The following TPX2 variants were observed in gnomAD, a reference collection of about 807,000 sequenced individuals.
The protein encoded by TPX2 is TPX2 microtubule nucleation factor.
In TPX2, 21 loss-of-function variants were observed where a neutral mutation model predicts 93.6. The ratio of observed to expected loss-of-function variants is 0.22; its 90% CI spans 0.16 to 0.32. The LOEUF (loss-of-function observed/expected upper bound fraction) is 0.32. Ranked by LOEUF, TPX2 falls within the 10% of genes least tolerant of loss-of-function variation. The pLI is 1.00. For synonymous variants in TPX2, 281 were observed against 298.3 expected (o/e 0.94, Z 0.60); for missense variants, 776 against 871.1 (o/e 0.89, Z 1.37).
intron 13 of TPX2, 137 bp downstream of exon 13, chr20:31,792,967 T>C: frequency 1.4e-6 from 1 of 736,488 alleles, no homozygotes; most frequent in East Asian, 2.6e-5. Context: ...GGTATGAACA[T>C]TTGTTCATTT....
chr20:31,743,631 G>A (rs1418482980), intron 2 of TPX2, among the ~76,000 whole-genome samples: 3 of 151,998 alleles, frequency 2.0e-5, no homozygotes, highest in South Asian at 2.1e-4. Flanking sequence ...GGAGTTTGAG[G>A]TTACGGTGAG....
chr20:31,747,954 T>C (rs935502760), intron 2 of TPX2, among the ~76,000 whole-genome samples: 2 of 152,124 alleles, frequency 1.3e-5, no homozygotes, highest in African/African-American at 4.8e-5. Context: ...TTTCACATCC[T>C]CATATTTATT....
At chr20:31,751,274 C>A (rs981697331) in intron 2 of TPX2, among the ~76,000 whole-genome samples, 1 of 152,166 alleles carries the variant, frequency 6.6e-6, no homozygotes, top group African/African-American at 2.4e-5. Context: ...GGGGTTGCTG[C>A]ATGTTACATT....
chr20:31,762,645 C>T (rs576293553), intron 4 of TPX2, among the ~76,000 whole-genome samples: 83 of 152,234 alleles, frequency 5.5e-4, no homozygotes, highest in African/African-American at 1.8e-3. Context: ...CCACCGCCCT[C>T]GGCCTCCCCT....
At chr20:31,773,867 T>G (rs1486383676) in intron 7 of TPX2, among the ~76,000 whole-genome samples, 1 of 151,974 alleles carries the variant, frequency 6.6e-6, no homozygotes, top group African/African-American at 2.4e-5. Context: ...TGAGAACATT[T>G]GGATTTTTTT....
chr20:31,771,429 CAT>C, intron 6 of TPX2, 129 bp from the exon 7 acceptor site: 1 of 1,176,500 alleles, frequency 8.5e-7, no homozygotes, highest in South Asian at 1.8e-5. Flanking sequence ...TTGGAAGAAT[CAT>C]GTGGTCGAAG....
rs565921888 is a variant in TPX2 at position 31,792,614 on chromosome 20, C to T, written c.1414-121C>T. 7.6e-6 allele frequency: 7 copies of T among 926,604 alleles called. No homozygotes were observed. In the Admixed American group the frequency reaches 1.0e-4, roughly 13 times the overall value. 57.4% of individuals were successfully genotyped at this position (926,604 alleles called of 1,614,324 possible). On this transcript the variant is annotated intron_variant, in intron 12 of 17. Transcript: ENST00000300403. ...ATTGCCTGAGCCCAGGAGTTTGAGACCAGCTGGGCAACATAGTGAGACCCT... is the reference window on the plus strand; with the variant it reads ...ATTGCCTGAGCCCAGGAGTTTGAGATCAGCTGGGCAACATAGTGAGACCCT...
At chr20:31,754,207 G>C (rs888938526) in intron 2 of TPX2, among the ~76,000 whole-genome samples, 9 of 151,846 alleles carry the variant, frequency 5.9e-5, no homozygotes, top group Non-Finnish European at 1.5e-5. Context: ...GATTCTCACC[G>C]AGTAGCTGGA....
At chr20:31,744,152 T>C (rs1475160929) in intron 2 of TPX2, among the ~76,000 whole-genome samples, 2 of 146,266 alleles carry the variant, frequency 1.4e-5, no homozygotes, top group Non-Finnish European at 3.0e-5. Context: ...TTTGTTAATT[T>C]TTTTAACTTT....
intron 5 of TPX2, among the ~76,000 whole-genome samples, chr20:31,767,352 C>T (rs1017504284): frequency 6.6e-6 from 1 of 151,372 alleles, no homozygotes; most frequent in African/African-American, 2.4e-5. Context: ...CTTTGTTCTT[C>T]TGTATTACTT....
chr20:31,771,314 C>T (rs906954304), intron 6 of TPX2, among the ~76,000 whole-genome samples: 1 of 152,140 alleles, frequency 6.6e-6, no homozygotes, highest in African/African-American at 2.4e-5. Context: ...TAGAGTCCCT[C>T]CTTACTCTTC....
chr20:31,773,340 G>A (rs2061976057), intron 7 of TPX2, among the ~76,000 whole-genome samples: 1 of 150,466 alleles, frequency 6.6e-6, no homozygotes, highest in Admixed American at 6.6e-5. Context: ...TAGTAGAGAT[G>A]GAGTTTCACC....
At chr20:31,747,456 G>GTCTATCTATCTATCTATCTA (rs1275554299) in intron 2 of TPX2, among the ~76,000 whole-genome samples, 11 of 151,918 alleles carry the variant, frequency 7.2e-5, no homozygotes, top group African/African-American at 2.7e-4. Context: ...CTGTCTGTCT[G>GTCTATCTATCTATCTATCTA]TCTGTCTATC....
chr20:31,794,113 C>A, intron 14 of TPX2, 89 bp downstream of exon 14: 1 of 1,323,630 alleles, frequency 7.6e-7, no homozygotes, highest in South Asian at 1.5e-5. Context: ...ACTATAAAAT[C>A]ACTGACTTCT....
chr20:31,744,080 G>T (rs183117316), intron 2 of TPX2, among the ~76,000 whole-genome samples: 1 of 151,006 alleles, frequency 6.6e-6, no homozygotes, highest in East Asian at 2.0e-4. Flanking sequence ...CACAGATATG[G>T]AACTCATAGA....
Position 31,788,534 on chromosome 20 carries a change from CCA to C in TPX2, c.1414-4200_1414-4199del, listed in dbSNP as rs1415834690. On this transcript the variant is annotated intron_variant, in intron 12 of 17. Transcript: ENST00000300403. ...CTTGTCTGTCTGATGCTTTTGTTCC[CCA>C]TCCACGTCCCCCCCAGTGCTGAAGC... Among the ~76,000 whole-genome samples the C allele has an allele frequency of 7.2e-5, 11 of 152,250 alleles. 1 individual carries two copies. The highest frequency in any genetic ancestry group is 2.6e-4 in the African/African-American group (11 of 41,542).
At chr20:31,763,875 C>T (rs1009443986) in intron 4 of TPX2, among the ~76,000 whole-genome samples, 7 of 151,034 alleles carry the variant, frequency 4.6e-5, no homozygotes, top group Non-Finnish European at 7.4e-5. Flanking sequence ...AAAAATTAGC[C>T]GGGTGTGGTG....
At chr20:31,763,022 A>G (rs980802787) in intron 4 of TPX2, among the ~76,000 whole-genome samples, 1 of 151,742 alleles carries the variant, frequency 6.6e-6, no homozygotes, top group Non-Finnish European at 1.5e-5. Flanking sequence ...ATCCTATTCC[A>G]TTTGTCTGTG....
intron 15 of TPX2, among the ~76,000 whole-genome samples, chr20:31,797,180 A>G (rs939935068): frequency 6.6e-6 from 1 of 152,218 alleles, no homozygotes; most frequent in African/African-American, 2.4e-5. Context: ...CAAACTTGGG[A>G]ATCTTAAAAG....
Sources: gnomAD v4.1 joint callset for allele counts (sites outside exome capture counted in the v4.1 genomes callset) on GRCh38, gnomAD v4.1.1 for gene constraint, MANE v1.5 for transcripts, NCBI Gene and HGNC (gene_info 2026-07-23, HGNC 2026-07-21) for gene names.